ASCC3: variants seen among roughly 807,000 people sequenced by gnomAD.
ASCC3 encodes ASC-1 complex subunit P200.
Under a neutral mutation model 256.3 loss-of-function variants are expected in ASCC3, and 158 were observed. The observed-to-expected ratio is 0.62, with a 90% CI of 0.54 to 0.70. The LOEUF is 0.70. ASCC3 is among the 30% of genes least tolerant of loss of function. The probability of loss-of-function intolerance (pLI) is 0.00; values close to 1 mark genes in which losing one functional copy is unlikely to be tolerated. For synonymous variants in ASCC3, 948 were observed against 883.4 expected, an observed-to-expected ratio of 1.07 and a Z score of -1.30; for missense variants, 2,259 against 2,626.0, an observed-to-expected ratio of 0.86 and a Z score of 3.05.
In ASCC3 at chr6:100,737,267, T is replaced by G. The variant is rs567787464; in HGVS notation, c.1738-11564A>C. Among the ~76,000 whole-genome samples the G allele has an allele frequency of 1.0e-3, 155 of 151,720 alleles. 4 individuals are homozygous for G. In the South Asian group the frequency reaches 0.031, roughly 31 times the overall value. On this transcript the variant is annotated intron_variant, in intron 10 of 41. Coordinates refer to ENST00000369162, the MANE Select transcript of ASCC3 (RefSeq NM_006828.4). ...TAAGTACAGGGGTACATGTGCAAGA[T>G]GTACAGGTTTATTACATAAGAAAAC...
At chr6:100,812,444 C>T (rs1770518982) in intron 4 of ASCC3, among the ~76,000 whole-genome samples, 1 of 150,820 alleles carries the variant, frequency 6.6e-6, no homozygotes, top group African/African-American at 2.4e-5. Flanking sequence ...TAAACAATGA[C>T]CAAAGAAATA....
intron 1 of ASCC3, among the ~76,000 whole-genome samples, chr6:100,869,851 C>A (rs1773650306): frequency 6.6e-6 from 1 of 151,856 alleles, no homozygotes; most frequent in Non-Finnish European, 1.5e-5. Context: ...GTGGCTCTAT[C>A]AAAAATATCA....
intron 40 of ASCC3, among the ~76,000 whole-genome samples, chr6:100,511,604 T>G (rs1040810123): frequency 6.6e-6 from 1 of 151,972 alleles, no homozygotes; most frequent in East Asian, 1.9e-4. Context: ...TAGTGGCACA[T>G]GCCTGTAAAA....
chr6:100,763,796 G>A (rs1006699231), intron 10 of ASCC3, among the ~76,000 whole-genome samples: 18 of 152,076 alleles, frequency 1.2e-4, no homozygotes, highest in Admixed American at 1.3e-4. Context: ...AATGTCCCCC[G>A]CTTATTGGGG....
At chr6:100,619,970 T>G (rs1224530665) in intron 30 of ASCC3, among the ~76,000 whole-genome samples, 1 of 152,090 alleles carries the variant, frequency 6.6e-6, no homozygotes, top group Non-Finnish European at 1.5e-5. Context: ...TTGGGTTAAA[T>G]GAAGGAGACC....
In ASCC3 at chr6:100,628,097, A is replaced by C. The variant is rs545478326; in HGVS notation, c.4376-110T>G. The C allele has an allele frequency of 3.4e-4, 389 of 1,145,888 alleles. 6 individuals are homozygous for C. The highest frequency in any genetic ancestry group is 1.0e-3 in the East Asian group (40 of 39,514). 71.0% of individuals were successfully genotyped at this position (1,145,888 alleles called of 1,614,324 possible). A position where few individuals can be genotyped will look rare whatever the true frequency, so the allele number is the denominator to read the frequency against. ...CTTCCTCAAAAAACAAAAACAAAAAAAAAAACAAAAAAAAAGCTAAAGCTA... is the reference window on the plus strand; with the variant it reads ...CTTCCTCAAAAAACAAAAACAAAAACAAAAACAAAAAAAAAGCTAAAGCTA... On this transcript the variant is annotated intron_variant, in intron 27 of 41. Coordinates refer to ENST00000369162, the MANE Select transcript of ASCC3 (RefSeq NM_006828.4).
intron 25 of ASCC3, among the ~76,000 whole-genome samples, chr6:100,634,871 AAAAAAAAAAAAG>A (rs1371925199): frequency 3.0e-5 from 2 of 65,774 alleles, no homozygotes; most frequent in East Asian, 3.2e-4. Flanking sequence ...AAACAAAAAA[AAAAAAAAAAAAG>A]AAAAGAAAAA....
chr6:100,630,187 C>A (rs1003507759), intron 26 of ASCC3, among the ~76,000 whole-genome samples: 6 of 151,972 alleles, frequency 3.9e-5, no homozygotes, highest in African/African-American at 1.5e-4. Context: ...CCACGCCCAG[C>A]CTAATATAAT....
chr6:100,835,615 G>A (rs1582938452), intron 4 of ASCC3, among the ~76,000 whole-genome samples: 1 of 152,066 alleles, frequency 6.6e-6, no homozygotes, highest in East Asian at 1.9e-4. Context: ...TCTCTATTCT[G>A]TTCTATTGGT....
intron 4 of ASCC3, among the ~76,000 whole-genome samples, chr6:100,830,965 C>T (rs1771591286): frequency 6.6e-6 from 1 of 152,162 alleles, no homozygotes; most frequent in South Asian, 2.1e-4. Flanking sequence ...TTAAGTTATT[C>T]TTATTAAAAC....
intron 4 of ASCC3, among the ~76,000 whole-genome samples, chr6:100,818,599 T>A (rs1435912863): frequency 8.7e-5 from 13 of 148,936 alleles, no homozygotes; most frequent in African/African-American, 3.2e-4. Context: ...AAGAAAAATC[T>A]GCAGCTAACA....
rs1340025477 is a variant in ASCC3, at chr6:100,589,988, A to G, written c.5375T>C (p.Leu1792Pro). 1 of 1,613,664 alleles carries G rather than the reference A, an allele frequency of 6.2e-7. No homozygotes were observed. The highest frequency in any genetic ancestry group is 2.2e-5 in the East Asian group (1 of 44,824). ...KFLSHLIEKS[L>P]IELELSYCIE... Reference sequence around the variant, plus strand: ...ACAGTAGGAAAGTTCCAATTCAATCAGGGACTTCTCAATCAGATGGGACAG... The same window carrying G: ...ACAGTAGGAAAGTTCCAATTCAATCGGGGACTTCTCAATCAGATGGGACAG... The change falls in exon 35 of 42, where the codon CTG (leucine) becomes CCG (proline). Residue 1792 changes from leucine to proline, a missense_variant. Physicochemically the swap from Leu to Pro is moderately conservative, Grantham distance 98 (BLOSUM62 -3). Around this residue, in one of 2 missense-constraint regions of ASCC3, gnomAD observed 1,839 missense variants for 2,206.7 expected, o/e 0.83. Transcript: ENST00000369162.
intron 8 of ASCC3, among the ~76,000 whole-genome samples, chr6:100,780,990 C>G (rs1782418340): frequency 6.6e-6 from 1 of 152,120 alleles, no homozygotes; most frequent in Admixed American, 6.5e-5. Flanking sequence ...GAAGTATTTT[C>G]CTTTAAAATA....
intron 8 of ASCC3, among the ~76,000 whole-genome samples, chr6:100,788,579 C>T (rs572108659): frequency 1.3e-5 from 2 of 148,696 alleles, no homozygotes; most frequent in Non-Finnish European, 3.0e-5. Context: ...GGAGAATGAA[C>T]AAATTGAAGT....
chr6:100,823,451 T>C (rs1237540913), intron 4 of ASCC3, among the ~76,000 whole-genome samples: 2 of 152,126 alleles, frequency 1.3e-5, no homozygotes, highest in Non-Finnish European at 2.9e-5. Context: ...TCTCCAACAA[T>C]GAAAAGGCAA....
intron 34 of ASCC3, among the ~76,000 whole-genome samples, chr6:100,596,672 G>C (rs1197754188): frequency 6.6e-6 from 1 of 151,926 alleles, no homozygotes; most frequent in Non-Finnish European, 1.5e-5. Flanking sequence ...TTAAATTTCA[G>C]CTTTTCTATG....
intron 33 of ASCC3, 36 bp downstream of exon 33, chr6:100,605,532 A>G: frequency 1.4e-6 from 2 of 1,406,798 alleles, no homozygotes; most frequent in South Asian, 1.2e-5. Context: ...CTTGTGATTA[A>G]ATAAATCCAT....
chr6:100,792,750 TC>T (rs1211524009), intron 8 of ASCC3, among the ~76,000 whole-genome samples: 1 of 151,910 alleles, frequency 6.6e-6, no homozygotes, highest in African/African-American at 2.4e-5. Context: ...AACAAGTTCA[TC>T]CAATTTAGAA....
intron 29 of ASCC3, 25 bp from the exon 30 acceptor site, chr6:100,625,359 A>C: frequency 1.2e-6 from 2 of 1,610,572 alleles, no homozygotes; most frequent in Non-Finnish European, 1.7e-6. Flanking sequence ...TGGGAAATAA[A>C]ATGGAAAGAT....
Sources: gnomAD v4.1 joint callset for allele counts (sites outside exome capture counted in the v4.1 genomes callset) on GRCh38, gnomAD v4.1.1 for gene constraint, gnomAD v4.1.1 regional missense constraint, MANE v1.5 for transcripts, NCBI Gene and HGNC (gene_info 2026-07-23, HGNC 2026-07-21) for gene names.